The following ZNF177 variants were observed in gnomAD, a reference collection of about 807,000 sequenced individuals.
ZNF177 encodes the protein zinc finger protein 177.
Under a neutral mutation model 19.4 loss-of-function variants are expected in ZNF177, and 17 were observed. The observed-to-expected ratio is 0.87, with a 90% CI of 0.60 to 1.31. The LOEUF (loss-of-function observed/expected upper bound fraction) is 1.31, where lower values mean the gene tolerates loss of function less well. ZNF177 is among the 40% of genes most tolerant of loss of function. ZNF177 has a pLI of 0.00. For synonymous variants in ZNF177, 220 were observed against 188.7 expected (o/e 1.17, Z -1.36); for missense variants, 633 against 561.8 (o/e 1.13, Z -1.28).
chr19:9,379,410 A>C (rs1311530824), intron 3 of ZNF177, 117 bp from the exon 6 acceptor site: 40 of 1,358,264 alleles, frequency 2.9e-5, no homozygotes, highest in Non-Finnish European at 3.9e-5. Flanking sequence ...GTTGTTCCTA[A>C]AGCTGCACTT....
At chr19:9,367,129 G>A (rs1568380293) in intron 2 of ZNF177, among the ~76,000 whole-genome samples, 2 of 152,122 alleles carry the variant, frequency 1.3e-5, no homozygotes, top group African/African-American at 4.8e-5. Flanking sequence ...GACCATCCTG[G>A]CTAACACGGT....
intron 4 of ZNF177, 136 bp from the exon 7 acceptor site, chr19:9,379,921 A>G: frequency 9.5e-7 from 1 of 1,057,568 alleles, no homozygotes; most frequent in Non-Finnish European, 1.3e-6. Context: ...CTGGTGAATC[A>G]CTGGTTGTGT....
At chr19:9,368,756 T>C (rs16979768) in intron 2 of ZNF177, among the ~76,000 whole-genome samples, 3,213 of 152,246 alleles carry the variant, frequency 0.021, 110 homozygotes, top group African/African-American at 0.073. Flanking sequence ...GCATAAGTTA[T>C]TTGGAAGTGT....
upstream of ZNF177, among the ~76,000 whole-genome samples, chr19:9,372,843 T>C (rs1390468912): frequency 6.6e-6 from 1 of 152,052 alleles, no homozygotes; most frequent in Non-Finnish European, 1.5e-5. Context: ...CACCACACCC[T>C]GCCAGTTTTG....
chr19:9,381,339 A>G (rs750542673), exon 6 of ZNF177: 1 of 1,613,674 alleles, frequency 6.2e-7, no homozygotes, highest in South Asian at 1.1e-5. Context: ...CTCACACTGG[A>G]GAGAAACCCT....
At chr19:9,365,672 C>G (rs1337878910) in intron 2 of ZNF177, among the ~76,000 whole-genome samples, 2 of 152,120 alleles carry the variant, frequency 1.3e-5, no homozygotes, top group Non-Finnish European at 1.5e-5. Flanking sequence ...CAAGGGAAGA[C>G]TGTCTTCCCG....
exon 4 of ZNF177, chr19:9,379,530 A>T: frequency 6.2e-7 from 1 of 1,613,494 alleles, no homozygotes; most frequent in Non-Finnish European, 8.5e-7. Context: ...TGAGCAGGGT[A>T]TCAGCTCTGC....
At chr19:9,375,110 A>G (rs553130101), upstream of ZNF177, among the ~76,000 whole-genome samples, 24 of 152,162 alleles carry the variant, frequency 1.6e-4, no homozygotes, top group African/African-American at 5.5e-4. Flanking sequence ...TATAGTTTTT[A>G]TCCTTCATTC....
intron 4 of ZNF177, 49 bp downstream of exon 6, chr19:9,379,668 A>T: frequency 6.3e-7 from 1 of 1,587,762 alleles, no homozygotes. Context: ...GAGGGTTAGT[A>T]CATTTGGGAA....
intron 2 of ZNF177, among the ~76,000 whole-genome samples, chr19:9,371,162 T>C (rs2068043143): frequency 6.6e-6 from 1 of 152,202 alleles, no homozygotes; most frequent in Non-Finnish European, 1.5e-5. Context: ...CTCTAGTTGG[T>C]TCATCACCAC....
chr19:9,380,596 A>ATGGAAGAGAATT, intron 5 of ZNF177, 72 bp from the exon 8 acceptor site: 3 of 1,535,756 alleles, frequency 2.0e-6, no homozygotes, highest in Non-Finnish European at 2.6e-6. Context: ...CAGAATCCTC[A>ATGGAAGAGAATT]TGGAAGAGAA....
exon 6 of ZNF177, chr19:9,381,928 T>C (rs958084683): frequency 2.4e-5 from 28 of 1,183,216 alleles, no homozygotes; most frequent in Non-Finnish European, 3.1e-5. Flanking sequence ...ATAAATGTTA[T>C]AGCTATGATT....
chr19:9,364,459 G>C (rs2067949705), intron 1 of ZNF177, among the ~76,000 whole-genome samples: 1 of 152,180 alleles, frequency 6.6e-6, no homozygotes. Flanking sequence ...GAGGCAGAAA[G>C]TCTTAAACTG....
At chr19:9,372,728 T>C (rs1036572502), upstream of ZNF177, among the ~76,000 whole-genome samples, 1 of 151,528 alleles carries the variant, frequency 6.6e-6, no homozygotes, top group Non-Finnish European at 1.5e-5. Context: ...GTATTTTTAA[T>C]AGAGAAAGGG....
Position 9,378,865 on chromosome 19 carries a change from G to C in ZNF177, c.34-97G>C, listed in dbSNP as rs560152996. 9.0e-5 allele frequency: 130 copies of C among 1,442,794 alleles called. No individual in the cohort carries two copies. In the East Asian group the frequency reaches 1.9e-3, roughly 21 times the overall value. The allele number at this position is 1,442,794 out of a possible 1,614,324, so 89.4% of individuals were successfully genotyped here. A position where few individuals can be genotyped will look rare whatever the true frequency, so the allele number is the denominator to read the frequency against. ...CATGTCTGAGCTTCCAGTGCCCTGA[G>C]TCTCCTCTCCAGTCCTGTCAGCCTC... On this transcript the variant is annotated intron_variant, in intron 2 of 5. Coordinates refer to ENST00000589262, the Ensembl canonical transcript of ZNF177.
At chr19:9,379,859 C>T (rs2122557504) in intron 4 of ZNF177, among the ~76,000 whole-genome samples, 198 bp from the exon 7 acceptor site, 1 of 119,610 alleles carries the variant, frequency 8.4e-6, no homozygotes, top group East Asian at 2.5e-4. Flanking sequence ...TCCCAACCTC[C>T]ACAATCCTTT....
intron 3 of ZNF177, 121 bp downstream of exon 5, chr19:9,379,209 T>C: frequency 1.4e-6 from 2 of 1,425,876 alleles, no homozygotes; most frequent in Non-Finnish European, 1.9e-6. Context: ...GAATGGTCCC[T>C]GCCCTTGAGG....
exon 6 of ZNF177, chr19:9,382,109 T>C (rs2068212363): frequency 5.0e-6 from 2 of 396,708 alleles, no homozygotes; most frequent in East Asian, 7.2e-5. Flanking sequence ...ACTGATGTAC[T>C]GTGGCAGACA....
intron 3 of ZNF177, among the ~76,000 whole-genome samples, 176 bp from the exon 6 acceptor site, chr19:9,379,351 C>T (rs1363638717): frequency 6.6e-6 from 1 of 152,210 alleles, no homozygotes; most frequent in African/African-American, 2.4e-5. Context: ...AGGGCGTGGA[C>T]CATGCTTTTT....
Sources: allele counts gnomAD v4.1 joint callset (sites outside exome capture counted in the v4.1 genomes callset), GRCh38; gene constraint gnomAD v4.1.1; transcripts MANE v1.5; gene names NCBI Gene and HGNC (gene_info 2026-07-23, HGNC 2026-07-21).